Variants in RIGI observed in about 807,000 individuals in gnomAD.
RIGI encodes RNA sensor RIG-I.
chr9:32,518,369 A>G, the RIGI span, among the ~76,000 whole-genome samples: 2 of 151,108 alleles, frequency 1.3e-5, no homozygotes, highest in African/African-American at 4.8e-5. Context: ...TTTGTCCTAA[A>G]GTAAAATGAC....
At chr9:32,472,902 C>A in the RIGI span, 2 of 887,092 alleles carry the variant, frequency 2.3e-6, no homozygotes, top group South Asian at 2.1e-5. Flanking sequence ...TATACACACA[C>A]ACATATACAT....
chr9:32,521,184 T>C, the RIGI span, among the ~76,000 whole-genome samples: 1 of 131,300 alleles, frequency 7.6e-6, no homozygotes, highest in Non-Finnish European at 1.7e-5. Flanking sequence ...TCCTATCTTA[T>C]AGTCAAACTG....
chr9:32,476,952 T>C, the RIGI span: 1 of 1,582,564 alleles, frequency 6.3e-7, no homozygotes, highest in Non-Finnish European at 8.7e-7. Flanking sequence ...GCTGGGTCCA[T>C]TTGTTATCTA....
the RIGI span, among the ~76,000 whole-genome samples, chr9:32,524,611 T>C: frequency 5.1e-4 from 67 of 131,422 alleles, no homozygotes; most frequent in African/African-American, 2.0e-3. Context: ...TTTTTTTTTT[T>C]TTTTTTTTTT....
the RIGI span, chr9:32,480,211 C>T: frequency 6.3e-7 from 1 of 1,591,866 alleles, no homozygotes; most frequent in Non-Finnish European, 8.6e-7. Flanking sequence ...TCTGAAAACA[C>T]CACTCACCTT....
chr9:32,524,603 T>C, the RIGI span, among the ~76,000 whole-genome samples: 2 of 123,002 alleles, frequency 1.6e-5, no homozygotes, highest in Non-Finnish European at 3.5e-5. Flanking sequence ...TCGGTTTTTT[T>C]TTTTTTTTTT....
At chr9:32,485,413 C>G in the RIGI span, 2 of 675,294 alleles carry the variant, frequency 3.0e-6, no homozygotes, top group Non-Finnish European at 5.1e-6. Flanking sequence ...ACCTAAGGTT[C>G]CAGGCTAACT....
chr9:32,459,606 G>A, the RIGI span: 51 of 1,207,894 alleles, frequency 4.2e-5, no homozygotes, highest in Middle Eastern at 5.6e-4. Flanking sequence ...ATACATGCAC[G>A]CACATGTATA....
chr9:32,520,583 C>G, the RIGI span, among the ~76,000 whole-genome samples: 1 of 152,172 alleles, frequency 6.6e-6, no homozygotes, highest in Non-Finnish European at 1.5e-5. Flanking sequence ...TAAAACCATT[C>G]AATCCCTCTA....
chr9:32,500,660 G>A, the RIGI span: 1 of 921,726 alleles, frequency 1.1e-6, no homozygotes, highest in Non-Finnish European at 1.6e-6. Context: ...TATATCATCT[G>A]CCTAAAAACA....
the RIGI span, among the ~76,000 whole-genome samples, chr9:32,497,237 G>T: frequency 6.6e-6 from 1 of 151,788 alleles, no homozygotes; most frequent in Non-Finnish European, 1.5e-5. Flanking sequence ...TTGTTTCCAG[G>T]GTATGAGTCT....
the RIGI span, among the ~76,000 whole-genome samples, chr9:32,497,696 G>A: frequency 2.0e-5 from 3 of 152,206 alleles, no homozygotes; most frequent in Non-Finnish European, 4.4e-5. Context: ...GCAGTGAGCC[G>A]AGATTGCGCC....
At chr9:32,518,053 C>T in the RIGI span, among the ~76,000 whole-genome samples, 1 of 152,088 alleles carries the variant, frequency 6.6e-6, no homozygotes, top group African/African-American at 2.4e-5. Flanking sequence ...TTTCTTGCTT[C>T]CTAGGTTTTT....
At chr9:32,524,882 C>T in the RIGI span, among the ~76,000 whole-genome samples, 1 of 151,890 alleles carries the variant, frequency 6.6e-6, no homozygotes, top group Non-Finnish European at 1.5e-5. Context: ...TGCAGGGAGC[C>T]GAAGGCCCTT....
the RIGI span, chr9:32,457,313 A>G: frequency 5.0e-6 from 8 of 1,614,062 alleles, no homozygotes; most frequent in Admixed American, 3.3e-5. Flanking sequence ...CGGGCACAGA[A>G]TATCTTTGCT....
the RIGI span, among the ~76,000 whole-genome samples, chr9:32,507,919 C>T: frequency 6.6e-6 from 1 of 152,260 alleles, no homozygotes; most frequent in East Asian, 1.9e-4. Context: ...GATGTTTGAC[C>T]TAATTACATG....
the RIGI span, among the ~76,000 whole-genome samples, chr9:32,506,278 T>C: frequency 6.6e-6 from 1 of 152,184 alleles, no homozygotes; most frequent in Non-Finnish European, 1.5e-5. Context: ...GGAATGAATG[T>C]TAATACATTT....
the RIGI span, chr9:32,457,493 A>G: frequency 4.7e-5 from 54 of 1,160,580 alleles, no homozygotes; most frequent in Non-Finnish European, 5.6e-5. Flanking sequence ...TAAAAAAAAA[A>G]AAAAGAAAAC....
chr9:32,493,442 G>A, the RIGI span, among the ~76,000 whole-genome samples: 2 of 152,104 alleles, frequency 1.3e-5, no homozygotes, highest in African/African-American at 4.8e-5. Flanking sequence ...TGACCAACAT[G>A]GTGAAACCCC....
Sources: allele counts gnomAD v4.1 joint callset (sites outside exome capture counted in the v4.1 genomes callset), GRCh38; gene constraint gnomAD v4.1.1; transcripts MANE v1.5; gene names NCBI Gene and HGNC (gene_info 2026-07-23, HGNC 2026-07-21).